Variants in PRTG observed in about 807,000 individuals in gnomAD.
PRTG encodes protogenin.
PRTG carries 67 observed loss-of-function variants against 122.5 expected under a neutral mutation model. That is an observed-to-expected ratio of 0.55 (90% CI 0.45 to 0.67). PRTG has a LOEUF of 0.67. Ranked by LOEUF, PRTG falls within the 30% of genes least tolerant of loss-of-function variation. PRTG has a pLI of 0.00. For synonymous variants in PRTG, 554 were observed against 501.1 expected (o/e 1.11, Z -1.41); for missense variants, 1,435 against 1,415.4 (o/e 1.01, Z -0.22).
intron 2 of PRTG, among the ~76,000 whole-genome samples, chr15:55,712,590 C>A (rs1452462166): frequency 6.6e-6 from 1 of 152,120 alleles, no homozygotes; most frequent in Non-Finnish European, 1.5e-5. Context: ...TTGAATTAAC[C>A]ATGTGGTAAT....
intron 2 of PRTG, among the ~76,000 whole-genome samples, chr15:55,738,000 C>CTA (rs1482548516): frequency 3.0e-5 from 2 of 66,948 alleles, no homozygotes; most frequent in Admixed American, 1.8e-4. Flanking sequence ...CTCTCTCTCT[C>CTA]TCTATATATA....
At chr15:55,621,611 A>C (rs548124831) in intron 18 of PRTG, among the ~76,000 whole-genome samples, 1 of 152,318 alleles carries the variant, frequency 6.6e-6, no homozygotes, top group African/African-American at 2.4e-5. Context: ...ACTGCACTCC[A>C]GCCTGGGTAA....
At chr15:55,708,825 G>C (rs888634778) in intron 2 of PRTG, among the ~76,000 whole-genome samples, 2 of 151,446 alleles carry the variant, frequency 1.3e-5, no homozygotes, top group African/African-American at 4.9e-5. Context: ...TAGTTATCTG[G>C]GAAAACAAAT....
intron 9 of PRTG, among the ~76,000 whole-genome samples, chr15:55,675,020 C>T (rs938539961): frequency 9.2e-5 from 14 of 152,044 alleles, no homozygotes; most frequent in Non-Finnish European, 1.9e-4. Context: ...ATTTTCAACC[C>T]ATGGTTAGGA....
chr15:55,627,057 T>C lies in PRTG; in HGVS notation c.2878A>G (p.Thr960Ala), dbSNP rs2141716032. Reference protein sequence around the residue: ...GIAVGVGIALTCILICVLILI... With the variant: ...GIAVGVGIALACILICVLILI... ...ATGAGAACACAGATGAGGATGCAGG[T>C]CAAGGCTATGCCAACACCTACAGCA... Residue 960 changes from threonine (T) to alanine (A), a missense_variant, in exon 17 of 20, where the codon ACC becomes GCC. Physicochemically the swap from Thr to Ala is moderately conservative, Grantham distance 58. Transcript: ENST00000389286. The C allele has an allele frequency of 6.2e-7, 1 of 1,613,072 alleles. No individual in the cohort carries two copies. The highest frequency in any genetic ancestry group is 1.1e-5 in the South Asian group (1 of 90,974).
chr15:55,708,212 G>T (rs1284825199), intron 2 of PRTG, among the ~76,000 whole-genome samples: 1 of 135,154 alleles, frequency 7.4e-6, no homozygotes, highest in Admixed American at 7.5e-5. Context: ...AGGCGGGAAA[G>T]AGAAAAAAAT....
chr15:55,725,042 G>C (rs2030974744), intron 2 of PRTG, among the ~76,000 whole-genome samples: 2 of 152,144 alleles, frequency 1.3e-5, no homozygotes, highest in South Asian at 4.1e-4. Context: ...TGTATTTTTG[G>C]TTTGTACCTC....
At chr15:55,672,284 C>A (rs1476553587) in intron 11 of PRTG, among the ~76,000 whole-genome samples, 161 bp downstream of exon 11, 2 of 152,146 alleles carry the variant, frequency 1.3e-5, no homozygotes, top group East Asian at 3.8e-4. Flanking sequence ...AGTCAAAGAC[C>A]AATCACTGAC....
Position 55,628,976 on chromosome 15 carries a change from G to C in PRTG, c.2652C>G (p.Asn884Lys), listed in dbSNP as rs199946390. 1 of 1,610,962 alleles carries C rather than the reference G, an allele frequency of 6.2e-7. No homozygotes were observed. The highest frequency in any genetic ancestry group is 1.3e-5 in the African/African-American group (1 of 74,842). ...CAATGTACACATTTCCTGCTACCAA[G>C]TTTTCTAGCAAAGCCATGGTTATTG... ...EGAITMALLE[N>K]LVAGNVYIVK... The change falls in exon 16 of 20, where the codon AAC (asparagine) becomes AAG (lysine). Residue 884 changes from asparagine (N) to lysine (K), a missense_variant. Coordinates refer to ENST00000389286, the MANE Select transcript of PRTG (RefSeq NM_173814.6).
At position 55,624,358 on chromosome 15, in the gene PRTG, C is replaced by G. The variant is rs1183336863; in HGVS notation, c.3077G>C (p.Ser1026Thr). ...ESLMPMIMPN[S>T]FIDAKGGTDL... The stretch of plus-strand genomic sequence containing the variant: ...GCTCAGTACCTTTGCATCAATGAAG[C>G]TGTTTGGCATGATCATTGGCATTAA... The change falls in exon 18 of 20, where the codon AGC becomes ACC. Residue 1026 changes from serine (S) to threonine (T), a missense_variant. Physicochemically the swap from Ser to Thr is moderately conservative, Grantham distance 58. Coordinates refer to ENST00000389286, the MANE Select transcript of PRTG (RefSeq NM_173814.6). The G allele has an allele frequency of 1.9e-6, 3 of 1,613,826 alleles. No homozygotes were observed. The highest frequency in any genetic ancestry group is 2.5e-6 in the Non-Finnish European group (3 of 1,179,944).
At chr15:55,742,640 C>A (rs927695337) in intron 1 of PRTG, 198 bp downstream of exon 1, 18 of 614,998 alleles carry the variant, frequency 2.9e-5, no homozygotes, top group South Asian at 2.5e-4. Flanking sequence ...CCAAGCAGCG[C>A]AGAGGCCGCA....
chr15:55,633,163 T>C (rs1173837164), intron 15 of PRTG, among the ~76,000 whole-genome samples: 3 of 152,190 alleles, frequency 2.0e-5, no homozygotes, highest in Non-Finnish European at 2.9e-5. Flanking sequence ...CATAATTTCC[T>C]CCAGTGCTTT....
chr15:55,623,188 C>T (rs573974615), intron 18 of PRTG, among the ~76,000 whole-genome samples: 3 of 152,040 alleles, frequency 2.0e-5, no homozygotes, highest in Admixed American at 6.5e-5. Context: ...AGGGCCAGAT[C>T]GTAACTATTT....
chr15:55,660,874 T>C (rs113634975), intron 11 of PRTG, among the ~76,000 whole-genome samples: 39 of 152,336 alleles, frequency 2.6e-4, no homozygotes, highest in Middle Eastern at 6.8e-3. Flanking sequence ...ATTAAATAGA[T>C]CTGAGTATCT....
intron 2 of PRTG, among the ~76,000 whole-genome samples, chr15:55,689,896 C>G (rs2059591155): frequency 6.6e-6 from 1 of 151,470 alleles, no homozygotes; most frequent in African/African-American, 2.4e-5. Context: ...CCACTACACT[C>G]CAGCGTGGGT....
Position 55,679,310 on chromosome 15 carries a change from T to A in PRTG, c.1109A>T (p.Asn370Ile). 6.2e-7 allele frequency: 1 copy of A among 1,612,752 alleles called. No homozygotes were observed. Reference protein sequence around the residue: ...WLKNGRKIHSNGRIKMYNSKL... With the variant: ...WLKNGRKIHSIGRIKMYNSKL... ...CCTGTTGTACATTTTAATTCTACCA[T>A]TCGAATGTATCTTCCTTCCATTTTT... The change falls in exon 7 of 20, where the codon AAT becomes ATT. Residue 370 changes from asparagine (N) to isoleucine (I), a missense_variant. Coordinates refer to ENST00000389286, the MANE Select transcript of PRTG (RefSeq NM_173814.6).
At chr15:55,633,995 T>C (rs1263047712) in intron 15 of PRTG, among the ~76,000 whole-genome samples, 2 of 152,116 alleles carry the variant, frequency 1.3e-5, no homozygotes, top group African/African-American at 4.8e-5. Context: ...CAAAATACTA[T>C]TTTCTGAGCT....
At chr15:55,637,679 G>C (rs1425165105) in intron 14 of PRTG, among the ~76,000 whole-genome samples, 3 of 152,060 alleles carry the variant, frequency 2.0e-5, no homozygotes, top group Non-Finnish European at 4.4e-5. Context: ...CACCCCATTA[G>C]TACTGATAGT....
chr15:55,645,644 C>T (rs904931496), intron 11 of PRTG, among the ~76,000 whole-genome samples: 3 of 152,032 alleles, frequency 2.0e-5, no homozygotes, highest in Admixed American at 1.3e-4. Context: ...TCAGCATAAG[C>T]AGCAAAAGTC....
Sources: gnomAD v4.1 joint callset for allele counts (sites outside exome capture counted in the v4.1 genomes callset) on GRCh38, gnomAD v4.1.1 for gene constraint, MANE v1.5 for transcripts, NCBI Gene and HGNC (gene_info 2026-07-23, HGNC 2026-07-21) for gene names.